MRC1: variants seen among roughly 807,000 people sequenced by gnomAD.
MRC1 encodes the protein mannose receptor C-type 1, also known as macrophage mannose receptor 1.
MRC1 carries 62 observed loss-of-function variants against 102.9 expected under a neutral mutation model. The ratio of observed to expected loss-of-function variants is 0.60; its 90% CI spans 0.49 to 0.74. The LOEUF is 0.74. Among genes scored for constraint, MRC1 ranks in the 30% least tolerant of loss-of-function variants. MRC1 has a pLI of 0.00. For missense variants in MRC1, 1,237 were observed against 862.8 expected, an observed-to-expected ratio of 1.43 and a Z score of -5.43; for synonymous variants, 457 against 298.4, an observed-to-expected ratio of 1.53 and a Z score of -5.48.
chr10:17,867,030 G>A (rs1166358024), intron 12 of MRC1, among the ~76,000 whole-genome samples: 3 of 151,726 alleles, frequency 2.0e-5, no homozygotes, highest in African/African-American at 7.3e-5. Context: ...CCTCCTCTCT[G>A]CTTCTCTCCT....
chr10:17,852,084 A>G (rs1838925870), intron 7 of MRC1, among the ~76,000 whole-genome samples: 1 of 152,158 alleles, frequency 6.6e-6, no homozygotes, highest in African/African-American at 2.4e-5. Flanking sequence ...TTTTTAATTT[A>G]GACAAGTTTA....
intron 6 of MRC1, among the ~76,000 whole-genome samples, chr10:17,847,190 T>C (rs1456085352): frequency 1.3e-5 from 2 of 152,190 alleles, no homozygotes; most frequent in Admixed American, 6.5e-5. Flanking sequence ...ATTACAATTC[T>C]CTTTCTAAGA....
intron 12 of MRC1, among the ~76,000 whole-genome samples, chr10:17,867,322 T>TC (rs200651297): frequency 0.16 from 23,571 of 144,978 alleles, 2,391 homozygotes; most frequent in East Asian, 0.27. Flanking sequence ...CCTCCTTCCT[T>TC]CTTCTTCTTC....
chr10:17,818,556 C>T (rs1554838058), intron 1 of MRC1, among the ~76,000 whole-genome samples: 1 of 152,194 alleles, frequency 6.6e-6, no homozygotes, highest in Non-Finnish European at 1.5e-5. Context: ...CACCTGTAAT[C>T]CCAACACGTT....
At chr10:17,827,432 CA>C in intron 2 of MRC1, 109 bp from the exon 3 acceptor site, 1 of 459,420 alleles carries the variant, frequency 2.2e-6, no homozygotes, top group African/African-American at 2.5e-5. Context: ...GTGGGTGCAT[CA>C]AGTGTAATCA....
chr10:17,814,515 G>T (rs1838275746), intron 1 of MRC1, among the ~76,000 whole-genome samples: 1 of 152,190 alleles, frequency 6.6e-6, no homozygotes, highest in Non-Finnish European at 1.5e-5. Flanking sequence ...AGATGAGGAA[G>T]TAGAGGCTAG....
Position 17,870,985 on chromosome 10 carries a change from T to C in MRC1, c.2199+50T>C, listed in dbSNP as rs1833347487. The stretch of plus-strand genomic sequence containing the variant: ...ACTTTCTTACTTTATCGTGTATTTA[T>C]TTTGATGTTGTCTTTTTTTTTAATG... On this transcript the variant is annotated intron_variant, in intron 14 of 29. Transcript: ENST00000569591. 6 of 850,306 alleles carry C rather than the reference T, an allele frequency of 7.1e-6. No homozygotes were observed. The Admixed American group carries it at 1.1e-4, about 15-fold the overall frequency. 52.7% of individuals were successfully genotyped at this position (850,306 alleles called of 1,614,324 possible).
intron 2 of MRC1, among the ~76,000 whole-genome samples, chr10:17,826,886 A>C (rs1838484226): frequency 2.0e-5 from 3 of 152,224 alleles, no homozygotes; most frequent in Admixed American, 6.5e-5. Flanking sequence ...AACAATGCCA[A>C]AATGTCTATC....
At chr10:17,851,468 T>C (rs1838915789) in intron 7 of MRC1, among the ~76,000 whole-genome samples, 1 of 152,128 alleles carries the variant, frequency 6.6e-6, no homozygotes, top group Non-Finnish European at 1.5e-5. Context: ...TACACGTAAG[T>C]TATGATTATA....
chr10:17,909,225 T>C (rs1833936445), intron 28 of MRC1, 81 bp from the exon 29 acceptor site: 3 of 756,702 alleles, frequency 4.0e-6, no homozygotes, highest in East Asian at 4.9e-5. Context: ...GAGGATTCCA[T>C]GTATTTGTGA....
Position 17,861,488 on chromosome 10 carries a change from A to G in MRC1, c.1620A>G (p.Thr540=), listed in dbSNP as rs2130660917. 1.1e-6 allele frequency: 1 copy of G among 871,320 alleles called. No individual in the cohort carries two copies. Among genetic ancestry groups the G allele is most frequent in the African/African-American group, 1.6e-5 (1 of 61,410 alleles). 54.0% of individuals were successfully genotyped at this position (871,320 alleles called of 1,614,324 possible). ...QTCNNENAYL[T]TIEDRYEQAF... ...GTAATAATGAGAATGCTTATTTAACAACTATTGAAGACAGGTATGTAACTA... is the reference window on the plus strand; with the variant it reads ...GTAATAATGAGAATGCTTATTTAACGACTATTGAAGACAGGTATGTAACTA... Residue 540 remains threonine (T), a synonymous_variant, in exon 10 of 30, where the codon ACA becomes ACG. Coordinates refer to ENST00000569591, the MANE Select transcript of MRC1 (RefSeq NM_002438.4).
At chr10:17,862,578 A>T (rs902426271) in intron 10 of MRC1, among the ~76,000 whole-genome samples, 3 of 152,144 alleles carry the variant, frequency 2.0e-5, no homozygotes, top group African/African-American at 7.2e-5. Context: ...TGTAATATTT[A>T]TACTCAGGAG....
intron 4 of MRC1, among the ~76,000 whole-genome samples, chr10:17,838,320 A>G (rs916357043): frequency 5.3e-5 from 8 of 152,170 alleles, no homozygotes; most frequent in African/African-American, 1.9e-4. Context: ...CTGCCTGGCA[A>G]CACGTTTGCA....
At chr10:17,817,193 C>T (rs972680511) in intron 1 of MRC1, among the ~76,000 whole-genome samples, 27,540 of 144,568 alleles carry the variant, frequency 0.19, 3,161 homozygotes, top group Non-Finnish European at 0.25. Flanking sequence ...GAGGTTGCAA[C>T]GTGTTGAGAT....
chr10:17,900,041 T>C (rs1589196043), intron 24 of MRC1, among the ~76,000 whole-genome samples: 1 of 142,496 alleles, frequency 7.0e-6, no homozygotes, highest in Non-Finnish European at 1.5e-5. Context: ...GAGGTTGCAG[T>C]GAGCCTAGAT....
chr10:17,903,392 C>CTTTTTTTTTTTTTTTTTTTTTTTTT (rs35118275), intron 26 of MRC1, among the ~76,000 whole-genome samples: 6 of 88,862 alleles, frequency 6.8e-5, no homozygotes, highest in Non-Finnish European at 8.8e-5. Context: ...CTTTTTTTTT[C>CTTTTTTTTTTTTTTTTTTTTTTTTT]TTTTTTTTTT....
intron 2 of MRC1, among the ~76,000 whole-genome samples, 170 bp from the exon 3 acceptor site, chr10:17,827,372 C>CAAAAAAAAAAAAAAA (rs782616938): frequency 1.1e-4 from 7 of 64,030 alleles, no homozygotes; most frequent in African/African-American, 2.5e-4. Flanking sequence ...AAAAAATACC[C>CAAAAAAAAAAAAAAA]AAAAAAAAAA....
At chr10:17,885,822 C>G (rs995885476) in intron 22 of MRC1, among the ~76,000 whole-genome samples, 3 of 144,520 alleles carry the variant, frequency 2.1e-5, no homozygotes, top group Non-Finnish European at 4.7e-5. Context: ...TGATCATCAT[C>G]CATCATGATC....
Position 17,811,393 on chromosome 10 carries a change from T to C in MRC1, c.61+1867T>C, listed in dbSNP as rs1238228377. ...CGGTTTGCTCAGGAGTGTTTCCCTC[T>C]TCCTGACAGCAGGATGCCCTCCTCT... is the stretch of plus-strand genomic sequence containing the variant. On this transcript the variant is annotated intron_variant, in intron 1 of 29. Coordinates refer to ENST00000569591, the MANE Select transcript of MRC1 (RefSeq NM_002438.4). Among the ~76,000 whole-genome samples the C allele has an allele frequency of 7.2e-5, 11 of 152,274 alleles. No individual in the cohort carries two copies. The East Asian group carries it at 2.1e-3, about 29-fold the overall frequency.
Sources: gnomAD v4.1 joint callset for allele counts (sites outside exome capture counted in the v4.1 genomes callset) on GRCh38, gnomAD v4.1.1 for gene constraint, MANE v1.5 for transcripts, NCBI Gene and HGNC (gene_info 2026-07-23, HGNC 2026-07-21) for gene names.